AGBL1: variants seen among roughly 807,000 people sequenced by gnomAD.
AGBL1 encodes the protein cytosolic carboxypeptidase 4.
In AGBL1, 130 loss-of-function variants were observed where a neutral mutation model predicts 118.9. The observed-to-expected ratio is 1.09, with a 90% CI of 0.95 to 1.26. AGBL1 has a LOEUF of 1.26. AGBL1 is among the 50% of genes most tolerant of loss of function. The pLI is 0.00. For missense variants in AGBL1, 1,584 were observed against 1,298.1 expected (o/e 1.22, Z -3.38); for synonymous variants, 555 against 478.9 (o/e 1.16, Z -2.08).
chr15:86,340,117 A>C (rs928768064), intron 17 of AGBL1, among the ~76,000 whole-genome samples: 3 of 152,036 alleles, frequency 2.0e-5, no homozygotes, highest in African/African-American at 7.2e-5. Flanking sequence ...TCTCAGTGTT[A>C]GCTTCTATTG....
At position 86,554,372 on chromosome 15, in the gene AGBL1, A is replaced by G. The variant is rs1398851522; in HGVS notation, c.2829A>G (p.Lys943=). 3.2e-6 allele frequency: 5 copies of G among 1,579,166 alleles called. No individual in the cohort carries two copies. Among genetic ancestry groups the G allele is most frequent in the Non-Finnish European group, 4.3e-6 (5 of 1,162,372 alleles). The change falls in exon 21 of 23, where the codon AAA becomes AAG. Residue 943 remains lysine, a synonymous_variant. Coordinates refer to ENST00000614907, the MANE Select transcript of AGBL1 (RefSeq NM_001386094.1). ...LEEVNYRTLP[K]ILDKLAPAFT... ...TGTTTTTACTGTAGACTCTTCCCAA[A>G]ATCCTTGATAAGCTAGCACCAGCAT...
chr15:86,156,354 G>T (rs540766478), intron 4 of AGBL1, among the ~76,000 whole-genome samples: 12 of 152,238 alleles, frequency 7.9e-5, no homozygotes, highest in African/African-American at 2.2e-4. Flanking sequence ...CTATGCTTGG[G>T]CATCCTTGAT....
intron 21 of AGBL1, among the ~76,000 whole-genome samples, chr15:86,643,229 A>G (rs1241720554): frequency 6.6e-6 from 1 of 152,236 alleles, no homozygotes; most frequent in Non-Finnish European, 1.5e-5. Flanking sequence ...TTCAACATAT[A>G]TAGTCCTAGA....
At chr15:86,640,524 T>C (rs564955493) in intron 21 of AGBL1, among the ~76,000 whole-genome samples, 10 of 152,262 alleles carry the variant, frequency 6.6e-5, no homozygotes, top group East Asian at 3.9e-4. Flanking sequence ...GTGTTTATAG[T>C]CTCATGAGCA....
chr15:86,338,586 C>G (rs7170124), intron 17 of AGBL1, among the ~76,000 whole-genome samples: 3,013 of 152,200 alleles, frequency 0.02, 40 homozygotes, highest in Middle Eastern at 0.065. Flanking sequence ...TAACTTTGAA[C>G]AGAACCACAA....
In AGBL1 at chr15:86,650,633, T is replaced by A. The variant is rs116477430; in HGVS notation, c.2995-23640T>A. Among the ~76,000 whole-genome samples the A allele has an allele frequency of 1.2e-3, 178 of 152,104 alleles. 1 individual carries two copies. The highest frequency in any genetic ancestry group is 4.2e-3 in the African/African-American group (175 of 41,490). ...AGAGCAAAATAAAAAGGCATTACTT[T>A]AAAAAGGACAAAGAAAAAAAACCCT... On this transcript the variant is annotated intron_variant, in intron 21 of 22. Transcript: ENST00000614907.
intron 22 of AGBL1, among the ~76,000 whole-genome samples, chr15:86,711,501 T>C (rs916544551): frequency 3.3e-5 from 5 of 152,288 alleles, no homozygotes; most frequent in Admixed American, 1.3e-4. Flanking sequence ...CCTCCTCTTA[T>C]AGGAATGTAG....
intron 21 of AGBL1, among the ~76,000 whole-genome samples, chr15:86,560,606 G>T (rs2083803418): frequency 6.6e-6 from 1 of 152,162 alleles, no homozygotes; most frequent in African/African-American, 2.4e-5. Context: ...ACACACATGT[G>T]CATCTGTCTT....
intron 21 of AGBL1, among the ~76,000 whole-genome samples, chr15:86,661,515 G>T (rs1390711810): frequency 6.6e-6 from 1 of 151,684 alleles, no homozygotes. Flanking sequence ...AGCAGAACTA[G>T]ACTGGGTTAA....
intron 6 of AGBL1, among the ~76,000 whole-genome samples, chr15:86,231,972 C>T (rs2078463058): frequency 6.6e-6 from 1 of 152,114 alleles, no homozygotes; most frequent in African/African-American, 2.4e-5. Context: ...CAAGAGGTAC[C>T]CAGCACACCA....
At chr15:86,969,487 A>T (rs2081086100) in intron 23 of AGBL1, among the ~76,000 whole-genome samples, 1 of 151,768 alleles carries the variant, frequency 6.6e-6, no homozygotes. Flanking sequence ...ATACATGCAT[A>T]TGTATGTGAA....
intron 22 of AGBL1, among the ~76,000 whole-genome samples, chr15:86,859,650 C>T (rs955665756): frequency 3.9e-5 from 6 of 152,250 alleles, no homozygotes; most frequent in African/African-American, 1.2e-4. Context: ...CGGCTTGTCA[C>T]GAGAGGCTTG....
intron 21 of AGBL1, among the ~76,000 whole-genome samples, chr15:86,669,608 G>C (rs2085705732): frequency 6.6e-6 from 1 of 152,026 alleles, no homozygotes; most frequent in African/African-American, 2.4e-5. Flanking sequence ...ATCTACTTCA[G>C]AAAATCCAAG....
At chr15:86,755,804 CT>C (rs1301514353) in intron 22 of AGBL1, among the ~76,000 whole-genome samples, 1 of 152,098 alleles carries the variant, frequency 6.6e-6, no homozygotes, top group African/African-American at 2.4e-5. Context: ...TGTTACCTGA[CT>C]TCTCTCTAGC....
At position 86,468,796 on chromosome 15, in the gene AGBL1, A is replaced by T. The variant is rs572890615; in HGVS notation, c.2556-54014A>T. ...ATTAAAAGAGTGTTTTGTAGGATAGACATGAGAGGGGATGTAAAGAAATTA... is the reference window on the plus strand; with the variant it reads ...ATTAAAAGAGTGTTTTGTAGGATAGTCATGAGAGGGGATGTAAAGAAATTA... On this transcript the variant is annotated intron_variant, in intron 18 of 22. Transcript: ENST00000614907. Among the ~76,000 whole-genome samples the T allele has an allele frequency of 3.3e-5, 5 of 152,292 alleles. No homozygotes were observed. The South Asian group carries it at 8.3e-4, about 25-fold the overall frequency.
At chr15:86,601,688 C>T (rs769064078) in intron 21 of AGBL1, among the ~76,000 whole-genome samples, 8 of 152,228 alleles carry the variant, frequency 5.3e-5, no homozygotes, top group South Asian at 2.1e-4. Flanking sequence ...GAAAAGGAGA[C>T]GTTTTTAACT....
intron 21 of AGBL1, among the ~76,000 whole-genome samples, chr15:86,647,393 C>T (rs2447250): frequency 6.6e-6 from 1 of 152,138 alleles, no homozygotes; most frequent in South Asian, 2.1e-4. Context: ...TGTTTTCATG[C>T]AACTTAGAAA....
At chr15:86,837,681 G>T (rs1210328083) in intron 22 of AGBL1, among the ~76,000 whole-genome samples, 2 of 152,200 alleles carry the variant, frequency 1.3e-5, no homozygotes, top group Non-Finnish European at 2.9e-5. Flanking sequence ...AGAAATGAGA[G>T]CATTGACTGG....
intron 18 of AGBL1, among the ~76,000 whole-genome samples, chr15:86,477,413 C>G (rs962838173): frequency 1.3e-5 from 2 of 152,142 alleles, no homozygotes; most frequent in African/African-American, 4.8e-5. Context: ...ACCACCGATT[C>G]CACAGAAATA....
Sources: gnomAD v4.1 joint callset for allele counts (sites outside exome capture counted in the v4.1 genomes callset) on GRCh38, gnomAD v4.1.1 for gene constraint, MANE v1.5 for transcripts, NCBI Gene and HGNC (gene_info 2026-07-23, HGNC 2026-07-21) for gene names.